Variants in C8orf34 observed in about 807,000 individuals in gnomAD.
The protein encoded by C8orf34 is uncharacterized protein C8orf34.
In C8orf34, 65 loss-of-function variants were observed where a neutral mutation model predicts 68.3. The ratio of observed to expected loss-of-function variants is 0.95; its 90% CI spans 0.78 to 1.17. The LOEUF (loss-of-function observed/expected upper bound fraction) is 1.17. Ranked by LOEUF, C8orf34 falls within the 50% of genes most tolerant of loss-of-function variation. C8orf34 has a pLI of 0.00. For synonymous variants in C8orf34, 244 were observed against 241.2 expected (o/e 1.01, Z -0.11); for missense variants, 664 against 655.4 (o/e 1.01, Z -0.14).
intron 7 of C8orf34, among the ~76,000 whole-genome samples, chr8:68,578,214 A>T (rs80063007): frequency 2.4e-3 from 368 of 152,092 alleles, no homozygotes; most frequent in African/African-American, 7.9e-3. Context: ...GGTACAAGAA[A>T]CATGGAATTT....
chr8:68,639,173 T>C (rs942580196), intron 7 of C8orf34, among the ~76,000 whole-genome samples: 5 of 152,056 alleles, frequency 3.3e-5, no homozygotes, highest in African/African-American at 1.2e-4. Flanking sequence ...AGGTTTTGAA[T>C]TGGCACCTAG....
intron 8 of C8orf34, among the ~76,000 whole-genome samples, chr8:68,683,795 AT>A (rs757009370): frequency 6.6e-6 from 1 of 152,100 alleles, no homozygotes; most frequent in Non-Finnish European, 1.5e-5. Flanking sequence ...CTTTAGAGAT[AT>A]TTTTCACATT....
intron 1 of C8orf34, among the ~76,000 whole-genome samples, chr8:68,400,861 T>A (rs1164084509): frequency 6.6e-6 from 1 of 152,240 alleles, no homozygotes; most frequent in Non-Finnish European, 1.5e-5. Flanking sequence ...GGCCTCCTTT[T>A]TGATTCTATG....
chr8:68,396,119 A>C (rs1375401695), intron 1 of C8orf34, among the ~76,000 whole-genome samples: 1 of 151,982 alleles, frequency 6.6e-6, no homozygotes, highest in Non-Finnish European at 1.5e-5. Context: ...ATATTTTGGC[A>C]TATTTTTTTC....
chr8:68,716,204 A>T (rs1202989270), intron 9 of C8orf34, among the ~76,000 whole-genome samples: 1 of 152,114 alleles, frequency 6.6e-6, no homozygotes, highest in Non-Finnish European at 1.5e-5. Context: ...ACTACACATT[A>T]GGTACAGTGT....
intron 7 of C8orf34, among the ~76,000 whole-genome samples, chr8:68,620,357 G>T (rs1271699249): frequency 4.6e-5 from 7 of 152,152 alleles, no homozygotes; most frequent in Admixed American, 6.5e-5. Flanking sequence ...CATTCAGAGG[G>T]TCTGGGAGTG....
chr8:68,658,765 T>A (rs1819583620), intron 8 of C8orf34, among the ~76,000 whole-genome samples: 1 of 152,170 alleles, frequency 6.6e-6, no homozygotes, highest in African/African-American at 2.4e-5. Flanking sequence ...TCCCTTTATG[T>A]CCAATTTTGA....
At chr8:68,750,677 A>G (rs922625828) in intron 10 of C8orf34, among the ~76,000 whole-genome samples, 2 of 152,210 alleles carry the variant, frequency 1.3e-5, no homozygotes, top group Non-Finnish European at 2.9e-5. Context: ...TAAAATCCAC[A>G]TGAATAGAGA....
chr8:68,554,960 G>A (rs570451558), intron 7 of C8orf34, among the ~76,000 whole-genome samples: 71 of 152,118 alleles, frequency 4.7e-4, no homozygotes, highest in African/African-American at 1.5e-3. Context: ...TCTCTATTTG[G>A]TAGCTTTACT....
chr8:68,437,993 T>C (rs1033567095), intron 1 of C8orf34: 4 of 152,172 alleles, frequency 2.6e-5, no homozygotes, highest in African/African-American at 9.6e-5. Context: ...GTTTCTTATA[T>C]AGCATGTCTG....
chr8:68,468,062 G>A (rs1812225014), intron 3 of C8orf34, among the ~76,000 whole-genome samples: 1 of 151,948 alleles, frequency 6.6e-6, no homozygotes. Context: ...AGTGTGACAT[G>A]TTGATTTTCT....
intron 7 of C8orf34, among the ~76,000 whole-genome samples, chr8:68,630,286 T>G (rs556844766): frequency 8.5e-5 from 13 of 152,196 alleles, no homozygotes; most frequent in African/African-American, 2.9e-4. Context: ...AACTGGAATA[T>G]CCATAATATT....
chr8:68,501,832 C>T lies in C8orf34; in HGVS notation c.765+13781C>T, dbSNP rs76474238. Among the ~76,000 whole-genome samples the T allele has an allele frequency of 2.0e-5, 3 of 152,228 alleles. No homozygotes were observed. The East Asian group carries it at 5.8e-4, about 29-fold the overall frequency. On this transcript the variant is annotated intron_variant, in intron 5 of 13. Transcript: ENST00000518698. ...GAATATAATCATCAATAGGAAGTTTCTGTATGCCCATAGCCAGAGCTAAGA... is the reference window on the plus strand; with the variant it reads ...GAATATAATCATCAATAGGAAGTTTTTGTATGCCCATAGCCAGAGCTAAGA...
chr8:68,578,016 G>C (rs1816957168), intron 7 of C8orf34, among the ~76,000 whole-genome samples: 1 of 151,512 alleles, frequency 6.6e-6, no homozygotes, highest in Admixed American at 6.6e-5. Flanking sequence ...ATAGTCTTGG[G>C]GGATTTCATT....
intron 12 of C8orf34, 50 bp from the exon 13 acceptor site, chr8:68,815,836 G>T (rs371909513): frequency 6.2e-7 from 1 of 1,612,934 alleles, no homozygotes; most frequent in South Asian, 1.1e-5. Context: ...GTATTTAATC[G>T]ATGATTTTTC....
chr8:68,732,190 C>T (rs1471210441), intron 10 of C8orf34, among the ~76,000 whole-genome samples: 1 of 152,156 alleles, frequency 6.6e-6, no homozygotes, highest in Non-Finnish European at 1.5e-5. Flanking sequence ...TTTTAAAGTT[C>T]TTAATACATT....
At chr8:68,463,742 C>T (rs181164825) in intron 3 of C8orf34, among the ~76,000 whole-genome samples, 2 of 152,256 alleles carry the variant, frequency 1.3e-5, no homozygotes, top group African/African-American at 2.4e-5. Context: ...AATTCAACAA[C>T]GCTTCATGCT....
chr8:68,803,498 TA>T (rs568630628), intron 12 of C8orf34, among the ~76,000 whole-genome samples: 41 of 150,604 alleles, frequency 2.7e-4, no homozygotes, highest in South Asian at 1.3e-3. Context: ...TTTCTTAATC[TA>T]AAAAAAAAGC....
At chr8:68,619,850 C>G (rs1232254152) in intron 7 of C8orf34, among the ~76,000 whole-genome samples, 2 of 151,988 alleles carry the variant, frequency 1.3e-5, no homozygotes, top group East Asian at 1.9e-4. Context: ...CAATGAAAGA[C>G]AAAAGCCCTT....
Sources: allele counts gnomAD v4.1 joint callset (sites outside exome capture counted in the v4.1 genomes callset), GRCh38; gene constraint gnomAD v4.1.1; transcripts MANE v1.5; gene names NCBI Gene and HGNC (gene_info 2026-07-23, HGNC 2026-07-21).